Variants in CPXM2 observed in about 807,000 individuals in gnomAD.
CPXM2 encodes inactive carboxypeptidase-like protein X2.
In CPXM2, 66 loss-of-function variants were observed where a neutral mutation model predicts 86.1. That is an observed-to-expected ratio of 0.77 (90% confidence interval 0.63 to 0.94). The LOEUF (loss-of-function observed/expected upper bound fraction) is 0.94. Ranked by LOEUF, CPXM2 falls within the 40% of genes least tolerant of loss-of-function variation. CPXM2 has a pLI of 0.00. For missense variants in CPXM2, 948 were observed against 1,026.3 expected (o/e 0.92, Z 1.04); for synonymous variants, 388 against 400.2 (o/e 0.97, Z 0.36).
At chr10:123,869,560 T>C (rs1431441629) in intron 2 of CPXM2, among the ~76,000 whole-genome samples, 1 of 152,178 alleles carries the variant, frequency 6.6e-6, no homozygotes, top group Non-Finnish European at 1.5e-5. Flanking sequence ...TGCTTTTCTC[T>C]TAAAGAGAGT....
At chr10:123,903,690 G>C (rs944831620) in intron 2 of CPXM2, among the ~76,000 whole-genome samples, 4 of 152,260 alleles carry the variant, frequency 2.6e-5, no homozygotes, top group Non-Finnish European at 4.4e-5. Context: ...GAGTCCTGAG[G>C]CTGGGAGGCC....
intron 2 of CPXM2, among the ~76,000 whole-genome samples, chr10:123,935,190 T>C (rs923006674): frequency 1.3e-5 from 2 of 152,180 alleles, no homozygotes; most frequent in East Asian, 1.9e-4. Context: ...GAGCTGTTAA[T>C]GCTATTGTAG....
chr10:123,832,483 C>T (rs1202446177), intron 4 of CPXM2, among the ~76,000 whole-genome samples: 2 of 152,186 alleles, frequency 1.3e-5, no homozygotes, highest in East Asian at 3.9e-4. Context: ...GAGTGTGTGT[C>T]CCTCCAAAAT....
chr10:123,849,058 T>C (rs755935985), intron 3 of CPXM2, among the ~76,000 whole-genome samples: 6 of 152,230 alleles, frequency 3.9e-5, no homozygotes, highest in Non-Finnish European at 8.8e-5. Flanking sequence ...GTTCTATTAA[T>C]AGTAAGTTAG....
chr10:123,866,938 C>T (rs550232891), intron 2 of CPXM2, among the ~76,000 whole-genome samples: 50 of 152,310 alleles, frequency 3.3e-4, no homozygotes, highest in East Asian at 1.3e-3. Flanking sequence ...TTCCATCCCA[C>T]GTCTGCCTCA....
chr10:123,894,484 GCACTGTT>G (rs1945318229), upstream of CPXM2, among the ~76,000 whole-genome samples: 1 of 152,150 alleles, frequency 6.6e-6, no homozygotes, highest in African/African-American at 2.4e-5. Flanking sequence ...GAAGCCCACG[GCACTGTT>G]CCTGGAGCCT....
chr10:123,851,060 T>C (rs1241916837), intron 3 of CPXM2, among the ~76,000 whole-genome samples: 1 of 152,336 alleles, frequency 6.6e-6, no homozygotes, highest in South Asian at 2.1e-4. Context: ...TCCTGTCTCA[T>C]TGCGGCTTTC....
chr10:123,861,024 G>A (rs1316551285), intron 3 of CPXM2, among the ~76,000 whole-genome samples: 1 of 152,184 alleles, frequency 6.6e-6, no homozygotes, highest in Admixed American at 6.5e-5. Context: ...AAAGAGCAAA[G>A]CTTGGAGTCA....
At chr10:123,772,268 ACCTTCACTGTTGTGG>A (rs1846656457) in intron 7 of CPXM2, among the ~76,000 whole-genome samples, 1 of 2,506 alleles carries the variant, frequency 4.0e-4, no homozygotes, top group East Asian at 0.017. Context: ...TGTGGTTCTC[ACCTTCACTGTTGTGG>A]TTCTCACCTC....
At chr10:123,926,696 G>C (rs919523865) in intron 2 of CPXM2, among the ~76,000 whole-genome samples, 2 of 152,072 alleles carry the variant, frequency 1.3e-5, no homozygotes, top group Non-Finnish European at 2.9e-5. Context: ...CTCCTGCCTG[G>C]AACATAAACG....
rs556048273 is a variant in CPXM2 at position 123,750,402 on chromosome 10, C to T, written c.2018-3385G>A. On this transcript the variant is annotated intron_variant, in intron 13 of 13. Transcript: ENST00000241305. ...CAAGTCTTCCTTTTGTTCCTTGATTCTTGACTCTGAGCCTTTGCAATTACT... is the reference window on the plus strand; with the variant it reads ...CAAGTCTTCCTTTTGTTCCTTGATTTTTGACTCTGAGCCTTTGCAATTACT... The T allele has an allele frequency of 1.1e-5, 11 of 976,896 alleles. No homozygotes were observed. The South Asian group carries it at 2.4e-4, about 21-fold the overall frequency. 60.5% of individuals were successfully genotyped at this position (976,896 alleles called of 1,614,324 possible).
intron 10 of CPXM2, among the ~76,000 whole-genome samples, chr10:123,764,042 T>C (rs1846411904): frequency 6.6e-6 from 1 of 152,226 alleles, no homozygotes; most frequent in East Asian, 1.9e-4. Context: ...TGCGTTTCCT[T>C]AGTACTAGTG....
At position 123,761,992 on chromosome 10, in the gene CPXM2, A is replaced by G. The variant is rs1589970220; in HGVS notation, c.1657T>C (p.Tyr553His). ...AGGCGGTGTGTGGAGGCATAGGAGTAGGCCAGCCAGCGGAACACGTGGTCG... is the reference window on the plus strand; with the variant it reads ...AGGCGGTGTGTGGAGGCATAGGAGTGGGCCAGCCAGCGGAACACGTGGTCG... Reference protein sequence around the residue: ...PDDHVFRWLAYSYASTHRLMT... With the variant: ...PDDHVFRWLAHSYASTHRLMT... Residue 553 changes from tyrosine to histidine, a missense_variant, in exon 11 of 14, where the codon TAC becomes CAC. Tyr to His is a moderately conservative substitution (Grantham distance 83). Coordinates refer to ENST00000241305, the MANE Select transcript of CPXM2 (RefSeq NM_198148.3). 3 of 1,613,750 alleles carry G rather than the reference A, an allele frequency of 1.9e-6. No individual in the cohort carries two copies. The highest frequency in any genetic ancestry group is 2.5e-6 in the Non-Finnish European group (3 of 1,179,770).
chr10:123,815,810 G>A (rs1847802568), intron 4 of CPXM2, among the ~76,000 whole-genome samples: 1 of 152,114 alleles, frequency 6.6e-6, no homozygotes, highest in Admixed American at 6.5e-5. Context: ...AATACTGCTT[G>A]AGTTTTCTAA....
intron 1 of CPXM2, among the ~76,000 whole-genome samples, chr10:123,887,939 G>T (rs1031382960): frequency 1.3e-5 from 2 of 152,118 alleles, no homozygotes; most frequent in African/African-American, 4.8e-5. Flanking sequence ...AATATATTGG[G>T]GCTCTACTTC....
intron 6 of CPXM2, among the ~76,000 whole-genome samples, chr10:123,792,255 A>G (rs1267732745): frequency 1.3e-5 from 2 of 152,140 alleles, no homozygotes; most frequent in African/African-American, 2.4e-5. Context: ...GAAGAAGGGG[A>G]AATTGGGAAA....
intron 2 of CPXM2, among the ~76,000 whole-genome samples, chr10:123,924,004 T>G (rs1249633033): frequency 6.6e-6 from 1 of 152,216 alleles, no homozygotes; most frequent in Non-Finnish European, 1.5e-5. Context: ...CACTAGCTAT[T>G]ATATAGGTCA....
At chr10:123,940,755 G>A (rs973978178), upstream of CPXM2, among the ~76,000 whole-genome samples, 1 of 152,162 alleles carries the variant, frequency 6.6e-6, no homozygotes, top group Non-Finnish European at 1.5e-5. Flanking sequence ...TTCCCACACC[G>A]GTGGGGCCCT....
intron 4 of CPXM2, among the ~76,000 whole-genome samples, chr10:123,827,491 C>T (rs1848072569): frequency 2.0e-5 from 3 of 152,080 alleles, no homozygotes; most frequent in Admixed American, 6.5e-5. Context: ...GTAAACCTAA[C>T]AAAAGGTTTA....
Sources: allele counts gnomAD v4.1 joint callset (sites outside exome capture counted in the v4.1 genomes callset), GRCh38; gene constraint gnomAD v4.1.1; transcripts MANE v1.5; gene names NCBI Gene and HGNC (gene_info 2026-07-23, HGNC 2026-07-21).